YPEL1: variants seen among roughly 807,000 people sequenced by gnomAD.
YPEL1 encodes yippee like 1.
YPEL1 carries 7 observed loss-of-function variants against 17.3 expected under a neutral mutation model. That is an observed-to-expected ratio of 0.40 (90% CI 0.23 to 0.76). YPEL1 has a LOEUF of 0.76. Among genes scored for constraint, YPEL1 ranks in the 30% least tolerant of loss-of-function variants. The pLI is 0.35. For missense variants in YPEL1, 91 were observed against 155.5 expected (o/e 0.59, Z 2.21); for synonymous variants, 59 against 59.6 (o/e 0.99, Z 0.05).
chr22:21,730,387 C>T (rs2068375932), intron 1 of YPEL1, among the ~76,000 whole-genome samples: 1 of 152,006 alleles, frequency 6.6e-6, no homozygotes, highest in Non-Finnish European at 1.5e-5. Context: ...CCATGCCTGG[C>T]TAAGTTTGTA....
intron 1 of YPEL1, among the ~76,000 whole-genome samples, chr22:21,720,834 A>G (rs2068274926): frequency 1.7e-5 from 2 of 119,430 alleles, no homozygotes; most frequent in South Asian, 2.9e-4. Flanking sequence ...TTTTTTTGAG[A>G]GTCTTGCTCT....
Position 21,698,059 on chromosome 22 carries a change from C to G in YPEL1, c.*3070G>C, listed in dbSNP as rs2068007003. 1 of 152,232 alleles carries G rather than the reference C, an allele frequency of 6.6e-6. No homozygotes were observed. The highest frequency in any genetic ancestry group is 6.5e-5 in the Admixed American group (1 of 15,270). The allele number at this position is 152,232 out of a possible 1,614,324, so 9.4% of individuals were successfully genotyped here. On this transcript the variant is annotated 3_prime_UTR_variant, in exon 5 of 5. Coordinates refer to ENST00000339468, the MANE Select transcript of YPEL1 (RefSeq NM_013313.5). The stretch of plus-strand genomic sequence containing the variant: ...CCCTGACATCACCTCCCAAGGCTCT[C>G]AAGGAAGATTTATTTTAAATAACTT...
intron 1 of YPEL1, among the ~76,000 whole-genome samples, chr22:21,714,757 C>G (rs1299021272): frequency 2.0e-5 from 3 of 152,194 alleles, no homozygotes; most frequent in Admixed American, 2.0e-4. Context: ...ATCCCGCCAA[C>G]TTGATATGGT....
At chr22:21,712,327 T>C (rs2068174528) in intron 1 of YPEL1, among the ~76,000 whole-genome samples, 1 of 146,870 alleles carries the variant, frequency 6.8e-6, no homozygotes, top group Non-Finnish European at 1.5e-5. Flanking sequence ...ATATTCTCTA[T>C]ATATCCATAT....
At chr22:21,722,616 C>T (rs1480097945) in intron 1 of YPEL1, among the ~76,000 whole-genome samples, 1 of 145,178 alleles carries the variant, frequency 6.9e-6, no homozygotes, top group Non-Finnish European at 1.5e-5. Flanking sequence ...GACTCTGTCT[C>T]GGGGGCAAAA....
chr22:21,709,555 C>T (rs758735224), intron 2 of YPEL1, among the ~76,000 whole-genome samples: 6 of 152,120 alleles, frequency 3.9e-5, no homozygotes, highest in Non-Finnish European at 7.3e-5. Flanking sequence ...GCAGGAGGAT[C>T]GCTTGAGGCC....
At position 21,698,417 on chromosome 22, in the gene YPEL1, C is replaced by T. The variant is rs1318138624; in HGVS notation, c.*2712G>A. ...GCTCTAAATAGAACTTTAGTATATACAAAAACCACTCGGTAGAGTTTTAGA... is the reference window on the plus strand; with the variant it reads ...GCTCTAAATAGAACTTTAGTATATATAAAAACCACTCGGTAGAGTTTTAGA... On this transcript the variant is annotated 3_prime_UTR_variant, in exon 5 of 5. Transcript: ENST00000339468. 1 of 152,298 alleles carries T rather than the reference C, an allele frequency of 6.6e-6. No homozygotes were observed. Among genetic ancestry groups the T allele is most frequent in the Non-Finnish European group, 1.5e-5 (1 of 68,046 alleles). The allele number at this position is 152,298 out of a possible 1,614,324, so 9.4% of individuals were successfully genotyped here.
At position 21,702,518 on chromosome 22, in the gene YPEL1, C is replaced by T. The variant is rs568582473; in HGVS notation, c.270+852G>A. Among the ~76,000 whole-genome samples, 7 of 152,168 alleles carry T rather than the reference C, an allele frequency of 4.6e-5. No individual in the cohort carries two copies. The East Asian group carries it at 1.4e-3, about 30-fold the overall frequency. Reference sequence around the variant, plus strand: ...GAAAGCCTCCTTCAACAAAGGCAGGCAGGCCGGGCGCGGTGGCTCACGCCT... The same window carrying T: ...GAAAGCCTCCTTCAACAAAGGCAGGTAGGCCGGGCGCGGTGGCTCACGCCT... On this transcript the variant is annotated intron_variant, in intron 4 of 4. Coordinates refer to ENST00000339468, the MANE Select transcript of YPEL1 (RefSeq NM_013313.5).
intron 1 of YPEL1, among the ~76,000 whole-genome samples, chr22:21,733,847 T>A (rs1195211637): frequency 6.6e-6 from 1 of 152,170 alleles, no homozygotes; most frequent in African/African-American, 2.4e-5. Context: ...TTGACACAGG[T>A]GCTGGTGGAA....
chr22:21,703,801 C>T lies in YPEL1; in HGVS notation c.161+38G>A. On this transcript the variant is annotated intron_variant, in intron 3 of 4. Coordinates refer to ENST00000339468, the MANE Select transcript of YPEL1 (RefSeq NM_013313.5). This position sits in a 1 kb window ranked among gnomAD's most constrained non-coding sequence, Gnocchi z 6.1. ...AGGTGCCATCCAGGCCGTCCCAGGG[C>T]CCGTGCCGCTCCCCCCGGGCTGAAC... The T allele has an allele frequency of 3.7e-6, 6 of 1,602,782 alleles. No individual in the cohort carries two copies. Among genetic ancestry groups the T allele is most frequent in the South Asian group, 1.1e-5 (1 of 88,988 alleles).
At chr22:21,720,813 G>GTT (rs60040471) in intron 1 of YPEL1, among the ~76,000 whole-genome samples, 5,765 of 120,356 alleles carry the variant, frequency 0.048, 325 homozygotes, top group African/African-American at 0.12. Context: ...GGCCGATTTT[G>GTT]TTTTTTTTTT....
chr22:21,703,567 A>G lies in YPEL1; in HGVS notation c.162-89T>C, dbSNP rs1002177027. 2 of 1,229,176 alleles carry G rather than the reference A, an allele frequency of 1.6e-6. No individual in the cohort carries two copies. Among genetic ancestry groups the G allele is most frequent in the African/African-American group, 3.0e-5 (2 of 67,092 alleles). The allele number at this position is 1,229,176 out of a possible 1,614,324, so 76.1% of individuals were successfully genotyped here. On this transcript the variant is annotated intron_variant, in intron 3 of 4. Transcript: ENST00000339468. The surrounding 1 kb of genome is among the most constrained non-coding windows in gnomAD (Gnocchi z 6.1). ...TCAGCGGGCCCCACCCCATCCTCCTAAGAGTTCCCCCAAAACAGGGAAACT... is the reference window on the plus strand; with the variant it reads ...TCAGCGGGCCCCACCCCATCCTCCTGAGAGTTCCCCCAAAACAGGGAAACT...
intron 2 of YPEL1, among the ~76,000 whole-genome samples, chr22:21,704,549 T>A (rs915768507): frequency 6.6e-6 from 1 of 150,956 alleles, no homozygotes; most frequent in African/African-American, 2.4e-5. Context: ...CCCAGCTACT[T>A]GGGTGGCTAA....
chr22:21,714,219 C>T (rs901625936), intron 1 of YPEL1, among the ~76,000 whole-genome samples: 2 of 151,982 alleles, frequency 1.3e-5, no homozygotes, highest in Non-Finnish European at 2.9e-5. Flanking sequence ...CGTTTGTAAT[C>T]GTGTGAACGG....
At chr22:21,704,805 G>A (rs1022724257) in intron 2 of YPEL1, among the ~76,000 whole-genome samples, 13 of 152,150 alleles carry the variant, frequency 8.5e-5, no homozygotes, top group African/African-American at 2.7e-4. Context: ...GGCTGAGCGT[G>A]AAAGAGCCAG....
chr22:21,714,250 C>T (rs11912130), intron 1 of YPEL1, among the ~76,000 whole-genome samples: 31 of 152,324 alleles, frequency 2.0e-4, no homozygotes, highest in African/African-American at 7.5e-4. Context: ...CGGCCGGTGG[C>T]GGCCACCCAG....
chr22:21,732,107 C>A (rs1353011190), intron 1 of YPEL1, among the ~76,000 whole-genome samples: 2 of 152,224 alleles, frequency 1.3e-5, no homozygotes, highest in East Asian at 3.9e-4. Context: ...TTCCATTTTA[C>A]TCTCACCTGC....
intron 2 of YPEL1, among the ~76,000 whole-genome samples, chr22:21,704,652 C>G (rs1398438230): frequency 7.0e-6 from 1 of 141,866 alleles, no homozygotes; most frequent in African/African-American, 2.7e-5. Context: ...AGTGAAACCC[C>G]GTCTCGAAAA....
At chr22:21,724,290 G>A (rs1443653873) in intron 1 of YPEL1, among the ~76,000 whole-genome samples, 1 of 152,152 alleles carries the variant, frequency 6.6e-6, no homozygotes, top group African/African-American at 2.4e-5. Flanking sequence ...TATAATCTCA[G>A]CACTTTGGGA....
Sources: gnomAD v4.1 joint callset for allele counts (sites outside exome capture counted in the v4.1 genomes callset) on GRCh38, gnomAD v4.1.1 for gene constraint, Gnocchi (gnomAD v3.1) non-coding constraint, MANE v1.5 for transcripts, NCBI Gene and HGNC (gene_info 2026-07-23, HGNC 2026-07-21) for gene names.